LRP6: variants seen among roughly 807,000 people sequenced by gnomAD.
The protein encoded by LRP6 is LDL receptor related protein 6, also known as low-density lipoprotein receptor-related protein 6.
A neutral mutation model predicts 184.1 loss-of-function variants in LRP6; 43 were observed. The observed-to-expected ratio is 0.23, with a 90% CI of 0.18 to 0.30. The LOEUF is 0.30. Ranked by LOEUF, LRP6 falls within the 10% of genes least tolerant of loss-of-function variation. The pLI is 1.00. For synonymous variants in LRP6, 719 were observed against 684.9 expected (o/e 1.05, Z -0.78); for missense variants, 1,571 against 2,005.3 (o/e 0.78, Z 4.14).
chr12:12,161,538 T>A (rs773353228), intron 10 of LRP6, among the ~76,000 whole-genome samples: 3 of 152,208 alleles, frequency 2.0e-5, no homozygotes, highest in African/African-American at 2.4e-5. Context: ...CCAAAGTTGC[T>A]GGGATTACAA....
At chr12:12,245,493 TA>T (rs1865161539) in intron 1 of LRP6, among the ~76,000 whole-genome samples, 1 of 152,214 alleles carries the variant, frequency 6.6e-6, no homozygotes, top group African/African-American at 2.4e-5. Flanking sequence ...TGATGAGCTA[TA>T]TTATCAATAA....
chr12:12,251,122 G>A (rs957823890), intron 1 of LRP6, among the ~76,000 whole-genome samples: 49 of 150,958 alleles, frequency 3.2e-4, no homozygotes, highest in African/African-American at 8.8e-4. Context: ...TAGTAGAGAC[G>A]TGGTTTTGCC....
chr12:12,138,524 C>T lies in LRP6; in HGVS notation c.3408G>A (p.Arg1136=), dbSNP rs772100523. ...IESSDLSGAN[R]IVLEDSNILQ... Reference sequence around the variant, plus strand: ...AGATATTGGAGTCTTCTAATACTATCCGGTTAGCACCTTGGAAAAGGAGAA... The same window carrying T: ...AGATATTGGAGTCTTCTAATACTATTCGGTTAGCACCTTGGAAAAGGAGAA... Residue 1136 remains arginine, a synonymous_variant, in exon 16 of 23, where the codon CGG becomes CGA. Transcript: ENST00000261349. The T allele has an allele frequency of 8.7e-6, 14 of 1,613,530 alleles. No homozygotes were observed. In the South Asian group the frequency reaches 9.9e-5, roughly 11 times the overall value.
At chr12:12,128,317 G>T (rs1949701753) in intron 19 of LRP6, among the ~76,000 whole-genome samples, 1 of 151,984 alleles carries the variant, frequency 6.6e-6, no homozygotes, top group Non-Finnish European at 1.5e-5. Context: ...TCCTTTGTTG[G>T]CTTCATTCTC....
At chr12:12,165,380 T>A in intron 7 of LRP6, 85 bp from the exon 8 acceptor site, 2 of 940,926 alleles carry the variant, frequency 2.1e-6, no homozygotes, top group Non-Finnish European at 3.5e-6. Flanking sequence ...GCCTGTTGTA[T>A]AAAAATCCAA....
intron 15 of LRP6, 52 bp downstream of exon 15, chr12:12,147,314 T>C (rs1274599380): frequency 5.7e-6 from 9 of 1,574,542 alleles, no homozygotes; most frequent in African/African-American, 1.3e-5. Context: ...ACACAATAGA[T>C]GAATCATCTT....
intron 2 of LRP6, among the ~76,000 whole-genome samples, chr12:12,238,668 AT>A (rs1243007411): frequency 5.3e-5 from 8 of 152,288 alleles, no homozygotes; most frequent in African/African-American, 1.9e-4. Flanking sequence ...ACTAATTATC[AT>A]TTCAAGAATG....
Position 12,204,214 on chromosome 12 carries a change from G to A in LRP6, c.450-814C>T, listed in dbSNP as rs1279686721. Among the ~76,000 whole-genome samples the A allele has an allele frequency of 9.7e-5, 14 of 144,436 alleles. No homozygotes were observed. In the Admixed American group the frequency reaches 9.9e-4, roughly 10 times the overall value. 94.8% of individuals were successfully genotyped at this position (144,436 alleles called of 152,430 possible). A position where few individuals can be genotyped will look rare whatever the true frequency, so the allele number is the denominator to read the frequency against. The stretch of plus-strand genomic sequence containing the variant: ...CCCCAAATAAAATTATGAGGAAACA[G>A]TGTGATTCAAGTCGAGAGACACTAC... On this transcript the variant is annotated intron_variant, in intron 2 of 22. Coordinates refer to ENST00000261349, the MANE Select transcript of LRP6 (RefSeq NM_002336.3).
intron 2 of LRP6, among the ~76,000 whole-genome samples, chr12:12,218,826 T>C (rs148527813): frequency 1.3e-3 from 204 of 151,632 alleles, no homozygotes; most frequent in South Asian, 2.3e-3. Context: ...AATACCCCCA[T>C]CTCTTTAAAA....
At position 12,194,090 on chromosome 12, in the gene LRP6, A is replaced by G. The variant is rs1454568728; in HGVS notation, c.648-6971T>C. ...CCATGTTCATAAAATAAAGAATAAA[A>G]CCACATAATCATTTCCATAGATGCA... On this transcript the variant is annotated intron_variant, in intron 3 of 22. Transcript: ENST00000261349. 3.3e-5 allele frequency among the ~76,000 whole-genome samples: 5 copies of G among 152,166 alleles called. No homozygotes were observed. In the East Asian group the frequency reaches 7.7e-4, roughly 23 times the overall value.
chr12:12,265,246 G>T (rs1865727668), intron 1 of LRP6, among the ~76,000 whole-genome samples: 1 of 152,078 alleles, frequency 6.6e-6, no homozygotes, highest in Non-Finnish European at 1.5e-5. Flanking sequence ...TCTCCAGTAC[G>T]TAACACTTCA....
At chr12:12,203,145 A>ATG in intron 3 of LRP6, 58 bp downstream of exon 3, 1 of 1,216,862 alleles carries the variant, frequency 8.2e-7, no homozygotes, top group South Asian at 1.5e-5. Context: ...AGGCTTTGTA[A>ATG]TGTATCAAGG....
At chr12:12,227,189 A>G (rs1014840668) in intron 2 of LRP6, among the ~76,000 whole-genome samples, 2 of 152,166 alleles carry the variant, frequency 1.3e-5, no homozygotes, top group African/African-American at 4.8e-5. Flanking sequence ...GGAATTCTCT[A>G]CCCTGCAAAA....
intron 7 of LRP6, among the ~76,000 whole-genome samples, chr12:12,178,004 C>T (rs973611026): frequency 6.6e-6 from 1 of 152,062 alleles, no homozygotes; most frequent in African/African-American, 2.4e-5. Flanking sequence ...AATGACACCA[C>T]TGTATGTATG....
At chr12:12,171,420 G>A (rs2136966121) in intron 7 of LRP6, among the ~76,000 whole-genome samples, 1 of 152,116 alleles carries the variant, frequency 6.6e-6, no homozygotes, top group East Asian at 1.9e-4. Flanking sequence ...TACTCAGGAG[G>A]TTGAGGCAGG....
At chr12:12,170,791 TCACACACACACACACACACACA>T (rs10571241) in intron 7 of LRP6, among the ~76,000 whole-genome samples, 4 of 142,900 alleles carry the variant, frequency 2.8e-5, no homozygotes, top group Non-Finnish European at 6.1e-5. Flanking sequence ...TAAAATTACT[TCACACACACACACACACACACA>T]CACACACACA....
rs1261784047 is a variant in LRP6 at position 12,118,410 on chromosome 12, CAGTT to C, written c.*2712_*2715del. ...ATTTCTTGGACAATTTTAATCACAT[CAGTT>C]AGTGCATATATTTTAGGACACATGT... On this transcript the variant is annotated 3_prime_UTR_variant, in exon 23 of 23. Coordinates refer to ENST00000261349, the MANE Select transcript of LRP6 (RefSeq NM_002336.3). 6.6e-6 allele frequency: 1 copy of C among 152,200 alleles called. No homozygotes were observed. The highest frequency in any genetic ancestry group is 2.4e-5 in the African/African-American group (1 of 41,452). The allele number at this position is 152,200 out of a possible 1,614,324, so 9.4% of individuals were successfully genotyped here. A position where few individuals can be genotyped will look rare whatever the true frequency, so the allele number is the denominator to read the frequency against.
chr12:12,129,765 T>A (rs148430440), intron 19 of LRP6, among the ~76,000 whole-genome samples: 1,594 of 152,254 alleles, frequency 0.01, 30 homozygotes, highest in African/African-American at 0.036. Context: ...TTGGCCAGGC[T>A]GGTCTCGAAC....
At chr12:12,149,549 T>C (rs1049830277) in intron 13 of LRP6, among the ~76,000 whole-genome samples, 1 of 152,204 alleles carries the variant, frequency 6.6e-6, no homozygotes, top group African/African-American at 2.4e-5. Context: ...CCATGGGCAT[T>C]TGGCAATGTA....
Sources: allele counts gnomAD v4.1 joint callset (sites outside exome capture counted in the v4.1 genomes callset), GRCh38; gene constraint gnomAD v4.1.1; transcripts MANE v1.5; gene names NCBI Gene and HGNC (gene_info 2026-07-23, HGNC 2026-07-21).